Variants in PHLDA2 observed in about 807,000 individuals in gnomAD.
PHLDA2 encodes pleckstrin homology-like domain family A member 2.
PHLDA2 carries 5 observed loss-of-function variants against 5.9 expected under a neutral mutation model. The ratio of observed to expected loss-of-function variants is 0.85; its 90% CI spans 0.44 to 1.78. PHLDA2 has a LOEUF of 1.78. Ranked by LOEUF, PHLDA2 falls within the 40% of genes most tolerant of loss-of-function variation. PHLDA2 has a pLI of 0.02. For missense variants in PHLDA2, 216 were observed against 228.3 expected, an observed-to-expected ratio of 0.95 and a Z score of 0.35; for synonymous variants, 111 against 102.7, an observed-to-expected ratio of 1.08 and a Z score of -0.49.
chr11:2,928,893 C>G lies in PHLDA2; in HGVS notation c.*10+3G>C. 7.4e-7 allele frequency: 1 copy of G among 1,355,590 alleles called. No homozygotes were observed. The highest frequency in any genetic ancestry group is 9.4e-7 in the Non-Finnish European group (1 of 1,060,678). The allele number at this position is 1,355,590 out of a possible 1,614,324, so 84.0% of individuals were successfully genotyped here. On this transcript the variant is annotated splice_donor_region_variant and intron_variant, in intron 1 of 1. Coordinates refer to ENST00000314222, the MANE Select transcript of PHLDA2 (RefSeq NM_003311.4). ...GCTCGCCGGGACGCGGGCAGTCACT[C>G]ACCGCGGCGGGCTCATGGCGTGCGG...
In PHLDA2 at chr11:2,929,353, G is replaced by A; in HGVS notation, c.12C>T (p.Pro4=). 2 of 1,605,486 alleles carry A rather than the reference G, an allele frequency of 1.2e-6. No homozygotes were observed. Among genetic ancestry groups the A allele is most frequent in the Non-Finnish European group, 1.7e-6 (2 of 1,177,470 alleles). ...ACTCGCCCTCGCGTAGCACCTCGTC[G>A]GGGGATTTCATGTCGTGCCGAGCGC... MKS[P]DEVLREGELE... The change falls in exon 1 of 2, where the codon CCC becomes CCT. Residue 4 remains proline (P), a synonymous_variant. Transcript: ENST00000314222. The surrounding 1 kb of genome is among the most constrained non-coding windows in gnomAD (Gnocchi z 8.3).
At chr11:2,928,758 C>A in intron 1 of PHLDA2, 91 bp from the exon 2 acceptor site, 1 of 652,100 alleles carries the variant, frequency 1.5e-6, no homozygotes, top group South Asian at 3.0e-5. Context: ...AGGGGGCCAG[C>A]GCGATTGCGG....
chr11:2,928,805 C>T, intron 1 of PHLDA2, 91 bp downstream of exon 1: 4 of 967,796 alleles, frequency 4.1e-6, no homozygotes, highest in Non-Finnish European at 5.6e-6. Context: ...GCGCCCCCGC[C>T]CCGCCGTCTG....
In PHLDA2 at chr11:2,929,178, G is replaced by C. The variant is rs1366224461; in HGVS notation, c.187C>G (p.Arg63Gly). Residue 63 changes from arginine (R) to glycine (G), a missense_variant, in exon 1 of 2, where the codon CGC becomes GGC. Coordinates refer to ENST00000314222, the MANE Select transcript of PHLDA2 (RefSeq NM_003311.4). The surrounding 1 kb of genome is among the most constrained non-coding windows in gnomAD (Gnocchi z 8.3). ...HSILKVDCVE[R>G]TGKYVYFTIV... The stretch of plus-strand genomic sequence containing the variant: ...GTGAAGTACACGTACTTGCCCGTGC[G>C]CTCCACGCAGTCCACCTTGAGGATG... 5 of 1,612,842 alleles carry C rather than the reference G, an allele frequency of 3.1e-6. No homozygotes were observed. In the South Asian group the frequency reaches 5.5e-5, roughly 18 times the overall value.
chr11:2,928,953 A>T lies in PHLDA2; in HGVS notation c.412T>A (p.Ser138Thr), dbSNP rs939072844. 3.4e-5 allele frequency: 51 copies of T among 1,481,272 alleles called. No individual in the cohort carries two copies. Among genetic ancestry groups the T allele is most frequent in the Non-Finnish European group, 4.4e-5 (50 of 1,128,512 alleles). 91.8% of individuals were successfully genotyped at this position (1,481,272 alleles called of 1,614,324 possible). Residue 138 changes from serine to threonine, a missense_variant, in exon 1 of 2, where the codon TCG (serine) becomes ACG (threonine). Transcript: ENST00000314222. ...TGCGGGGATGGCCTGGAGGGCTCCG[A>T]GGGCTCGGAGGGTGCGGCGGCCGCG... ...AAAAAAPSEPSEPSRPSPQPK... is the reference protein window; with the variant it reads ...AAAAAAPSEPTEPSRPSPQPK...
rs750052873 is a variant in PHLDA2 at position 2,929,395 on chromosome 11, A to C, written c.-31T>G. 6.5e-7 allele frequency: 1 copy of C among 1,548,020 alleles called. No individual in the cohort carries two copies. The highest frequency in any genetic ancestry group is 8.8e-7 in the Non-Finnish European group (1 of 1,141,886). ...GCCGAGCGCGGGACTGGGAGCGGCA[A>C]TGCGGGCGGTGACGGCGCCGGCTCT... On this transcript the variant is annotated 5_prime_UTR_variant, in exon 1 of 2. Coordinates refer to ENST00000314222, the MANE Select transcript of PHLDA2 (RefSeq NM_003311.4). This position sits in a 1 kb window ranked among gnomAD's most constrained non-coding sequence, Gnocchi z 8.3.
chr11:2,928,580 A>T lies in PHLDA2; in HGVS notation c.*98T>A. The T allele has an allele frequency of 2.6e-6, 1 of 390,818 alleles. No homozygotes were observed. Among genetic ancestry groups the T allele is most frequent in the Non-Finnish European group, 4.5e-6 (1 of 223,322 alleles). The allele number at this position is 390,818 out of a possible 1,614,324, so 24.2% of individuals were successfully genotyped here. ...AAGGCGCCCGTGCAACGGAGCGAGG[A>T]TCCGCGCGCACGGGAAGTTCTTCTG... On this transcript the variant is annotated 3_prime_UTR_variant, in exon 2 of 2. Coordinates refer to ENST00000314222, the MANE Select transcript of PHLDA2 (RefSeq NM_003311.4).
rs199590203 is a variant in PHLDA2, at chr11:2,929,027, C to A, written c.338G>T (p.Arg113Leu). 2.1e-5 allele frequency: 34 copies of A among 1,583,954 alleles called. No homozygotes were observed. Among genetic ancestry groups the A allele is most frequent in the Non-Finnish European group, 2.7e-5 (32 of 1,172,882 alleles). Residue 113 changes from arginine (R) to leucine (L), a missense_variant, in exon 1 of 2, where the codon CGC (arginine) becomes CTC (leucine). Physicochemically the swap from Arg to Leu is moderately radical, Grantham distance 102. Coordinates refer to ENST00000314222, the MANE Select transcript of PHLDA2 (RefSeq NM_003311.4). This position sits in a 1 kb window ranked among gnomAD's most constrained non-coding sequence, Gnocchi z 8.3. ...TGCGGCGGGTGCGGTGCGTTCCTGGCGGCTGCGAAAGTCCTGCAGGGCGCG... is the reference window on the plus strand; with the variant it reads ...TGCGGCGGGTGCGGTGCGTTCCTGGAGGCTGCGAAAGTCCTGCAGGGCGCG... Reference protein sequence around the residue: ...NRRALQDFRSRQERTAPAAPA... With the variant: ...NRRALQDFRSLQERTAPAAPA...
rs138481764 is a variant in PHLDA2 at position 2,929,286 on chromosome 11, T to G, written c.79A>C (p.Lys27Gln). 34 of 1,610,518 alleles carry G rather than the reference T, an allele frequency of 2.1e-5. No homozygotes were observed. The highest frequency in any genetic ancestry group is 1.1e-4 in the East Asian group (5 of 44,672). ...SDSLFQLWKKKRGVLTSDRLS... is the reference protein window; with the variant it reads ...SDSLFQLWKKQRGVLTSDRLS... Reference sequence around the variant, plus strand: ...CGGTCGGAGGTGAGCACCCCGCGCTTCTTCTTCCATAGCTGGAAGAGGCTG... The same window carrying G: ...CGGTCGGAGGTGAGCACCCCGCGCTGCTTCTTCCATAGCTGGAAGAGGCTG... Residue 27 changes from lysine (K) to glutamine (Q), a missense_variant, in exon 1 of 2, where the codon AAG becomes CAG. Lys to Gln is a moderately conservative substitution (Grantham distance 53). Coordinates refer to ENST00000314222, the MANE Select transcript of PHLDA2 (RefSeq NM_003311.4). This position sits in a 1 kb window ranked among gnomAD's most constrained non-coding sequence, Gnocchi z 8.3.
chr11:2,928,858 A>G, intron 1 of PHLDA2, 38 bp downstream of exon 1: 1 of 1,287,688 alleles, frequency 7.8e-7, no homozygotes, highest in East Asian at 3.1e-5. Context: ...CCCGGCTGTT[A>G]GGGCGCAGGG....
In PHLDA2 at chr11:2,928,951, C is replaced by A. The variant is rs779699187; in HGVS notation, c.414G>T (p.Ser138=). 1 of 1,478,870 alleles carries A rather than the reference C, an allele frequency of 6.8e-7. No individual in the cohort carries two copies. The highest frequency in any genetic ancestry group is 2.5e-5 in the East Asian group (1 of 39,604). The allele number at this position is 1,478,870 out of a possible 1,614,324, so 91.6% of individuals were successfully genotyped here. ...GCTGCGGGGATGGCCTGGAGGGCTC[C>A]GAGGGCTCGGAGGGTGCGGCGGCCG... ...AAAAAAPSEP[S]EPSRPSPQPK... Residue 138 remains serine, a synonymous_variant, in exon 1 of 2, where the codon TCG becomes TCT. Coordinates refer to ENST00000314222, the MANE Select transcript of PHLDA2 (RefSeq NM_003311.4).
At position 2,929,140 on chromosome 11, in the gene PHLDA2, G is replaced by A. The variant is rs752601391; in HGVS notation, c.225C>T (p.Thr75=). Residue 75 remains threonine (T), a synonymous_variant, in exon 1 of 2, where the codon ACC becomes ACT. Coordinates refer to ENST00000314222, the MANE Select transcript of PHLDA2 (RefSeq NM_003311.4). This position sits in a 1 kb window ranked among gnomAD's most constrained non-coding sequence, Gnocchi z 8.3. ...AGCGGAAGTCGATCTCCTTGTGGTCGGTGGTGACGATGGTGAAGTACACGT... is the reference window on the plus strand; with the variant it reads ...AGCGGAAGTCGATCTCCTTGTGGTCAGTGGTGACGATGGTGAAGTACACGT... ...GKYVYFTIVT[T]DHKEIDFRCA... 2 of 1,612,932 alleles carry A rather than the reference G, an allele frequency of 1.2e-6. No individual in the cohort carries two copies. Among genetic ancestry groups the A allele is most frequent in the South Asian group, 1.1e-5 (1 of 91,026 alleles).
rs755623859 is a variant in PHLDA2, at chr11:2,929,278, C to T, written c.87G>A (p.Gly29=). Residue 29 remains glycine (G), a synonymous_variant, in exon 1 of 2, where the codon GGG becomes GGA. Coordinates refer to ENST00000314222, the MANE Select transcript of PHLDA2 (RefSeq NM_003311.4). This position sits in a 1 kb window ranked among gnomAD's most constrained non-coding sequence, Gnocchi z 8.3. ...GGCTCAGGCGGTCGGAGGTGAGCAC[C>T]CCGCGCTTCTTCTTCCATAGCTGGA... is the stretch of plus-strand genomic sequence containing the variant. ...SLFQLWKKKR[G]VLTSDRLSLF... 1 of 1,610,604 alleles carries T rather than the reference C, an allele frequency of 6.2e-7. No individual in the cohort carries two copies. The highest frequency in any genetic ancestry group is 1.3e-5 in the African/African-American group (1 of 74,688).
rs1174665148 is a variant in PHLDA2, at chr11:2,928,963, G to A, written c.402C>T (p.Pro134=). The part of the protein sequence containing the change: ...EDAVAAAAAA[P]SEPSEPSRPS... ...GCCTGGAGGGCTCCGAGGGCTCGGA[G>A]GGTGCGGCGGCCGCGGCAGCCACGG... The change falls in exon 1 of 2, where the codon CCC becomes CCT. Residue 134 remains proline, a synonymous_variant. Coordinates refer to ENST00000314222, the MANE Select transcript of PHLDA2 (RefSeq NM_003311.4). 2.0e-6 allele frequency: 3 copies of A among 1,508,792 alleles called. No homozygotes were observed. The highest frequency in any genetic ancestry group is 2.8e-5 in the African/African-American group (2 of 70,520). The allele number at this position is 1,508,792 out of a possible 1,614,324, so 93.5% of individuals were successfully genotyped here.
rs778576348 is a variant in PHLDA2, at chr11:2,928,994, TCGGCGGGTG to T, written c.362_370del (p.Ala121_Ala123del). 4.1e-5 allele frequency: 64 copies of T among 1,547,460 alleles called. No individual in the cohort carries two copies. Among genetic ancestry groups the T allele is most frequent in the African/African-American group, 2.6e-4 (19 of 72,016 alleles). On this transcript the variant is annotated inframe_deletion, in exon 1 of 2. Transcript: ENST00000314222. Reference sequence around the variant, plus strand: ...GGCGGCCGCGGCAGCCACGGCGTCCTCGGCGGGTGCGGCGGGTGCGGTGCGTTCCTGGCG... The same window carrying T: ...GGCGGCCGCGGCAGCCACGGCGTCCTCGGCGGGTGCGGTGCGTTCCTGGCG...
rs904715996 is a variant in PHLDA2, at chr11:2,928,669, T to C, written c.*11-2A>G. On this transcript the variant is annotated splice_acceptor_variant, in intron 1 of 1. Coordinates refer to ENST00000314222, the MANE Select transcript of PHLDA2 (RefSeq NM_003311.4). LOFTEE classifies it low-confidence loss of function (3UTR_SPLICE). ...GTCCGACTCGTCCAGCGTATGGCCC[T>C]GTGGGGAAAGGACTGGGTCAGAGAG... 3.5e-5 allele frequency: 16 copies of C among 456,752 alleles called. No individual in the cohort carries two copies. The highest frequency in any genetic ancestry group is 3.1e-4 in the Admixed American group (7 of 22,700). The allele number at this position is 456,752 out of a possible 1,614,324, so 28.3% of individuals were successfully genotyped here.
chr11:2,928,625 C>G lies in PHLDA2; in HGVS notation c.*53G>C. On this transcript the variant is annotated 3_prime_UTR_variant, in exon 2 of 2. Coordinates refer to ENST00000314222, the MANE Select transcript of PHLDA2 (RefSeq NM_003311.4). ...CTTCTGCTGCAGGGCTGGAGAGCGCCGGCCACGTCCTAGCCTCGGTCCGAC... is the reference window on the plus strand; with the variant it reads ...CTTCTGCTGCAGGGCTGGAGAGCGCGGGCCACGTCCTAGCCTCGGTCCGAC... 2.4e-6 allele frequency: 1 copy of G among 416,602 alleles called. No homozygotes were observed. The highest frequency in any genetic ancestry group is 3.7e-5 in the East Asian group (1 of 27,140). 25.8% of individuals were successfully genotyped at this position (416,602 alleles called of 1,614,324 possible). A position where few individuals can be genotyped will look rare whatever the true frequency, so the allele number is the denominator to read the frequency against.
Position 2,928,536 on chromosome 11 carries a change from T to G in PHLDA2, c.*142A>C. ...AACCAGCGAAATAAATACATAGATA[T>G]TAGATAGTCCAATAACTTAAGGCGC... On this transcript the variant is annotated 3_prime_UTR_variant, in exon 2 of 2. Coordinates refer to ENST00000314222, the MANE Select transcript of PHLDA2 (RefSeq NM_003311.4). The G allele has an allele frequency of 2.6e-5, 8 of 307,860 alleles. No homozygotes were observed. The highest frequency in any genetic ancestry group is 1.0e-4 in the Admixed American group (2 of 19,494). The allele number at this position is 307,860 out of a possible 1,614,324, so 19.1% of individuals were successfully genotyped here.
chr11:2,928,789 G>A, intron 1 of PHLDA2, 107 bp downstream of exon 1: 1 of 856,550 alleles, frequency 1.2e-6, no homozygotes, highest in South Asian at 2.5e-5. Flanking sequence ...CCCCCAAGGA[G>A]GTGCAGCGCC....
Sources: allele counts gnomAD v4.1 joint callset, GRCh38; gene constraint gnomAD v4.1.1; non-coding constraint Gnocchi (gnomAD v3.1); transcripts MANE v1.5; gene names NCBI Gene and HGNC (gene_info 2026-07-23, HGNC 2026-07-21).